The following NPFFR2 variants were observed in gnomAD, a reference collection of about 807,000 sequenced individuals.
NPFFR2 encodes the protein neuropeptide FF receptor 2.
A neutral mutation model predicts 13.1 loss-of-function variants in NPFFR2; 15 were observed. That is an observed-to-expected ratio of 1.15 (90% CI 0.77 to 1.76). NPFFR2 has a LOEUF of 1.76. Ranked by LOEUF, NPFFR2 falls within the 40% of genes most tolerant of loss-of-function variation. The probability of loss-of-function intolerance (pLI) is 0.00; values close to 1 mark genes in which losing one functional copy is unlikely to be tolerated. For missense variants in NPFFR2, 572 were observed against 503.5 expected, an observed-to-expected ratio of 1.14 and a Z score of -1.30; for synonymous variants, 190 against 175.7, an observed-to-expected ratio of 1.08 and a Z score of -0.65.
At chr4:72,128,542 G>T (rs1722134954) in intron 1 of NPFFR2, 43 bp from the exon 2 acceptor site, 2 of 1,233,892 alleles carry the variant, frequency 1.6e-6, no homozygotes, top group African/African-American at 1.5e-5. Flanking sequence ...ATGCTTTACT[G>T]GTTCCTAATT....
Position 72,109,065 on chromosome 4 carries a change from A to T in NPFFR2, c.-7-19520A>T, listed in dbSNP as rs115201846. On this transcript the variant is annotated intron_variant, in intron 1 of 3. Coordinates refer to ENST00000308744, the MANE Select transcript of NPFFR2 (RefSeq NM_004885.3). Reference sequence around the variant, plus strand: ...TGATGTAGTGTTTGACACACCATACATTAGTAAAACTTACAGTATCAATCA... The same window carrying T: ...TGATGTAGTGTTTGACACACCATACTTTAGTAAAACTTACAGTATCAATCA... 4.0e-3 allele frequency among the ~76,000 whole-genome samples: 613 copies of T among 152,178 alleles called. 4 individuals are homozygous for T. Among genetic ancestry groups the T allele is most frequent in the Middle Eastern group, 0.02 (6 of 294 alleles).
chr4:72,092,503 A>T (rs778570025), intron 1 of NPFFR2, among the ~76,000 whole-genome samples: 2 of 152,054 alleles, frequency 1.3e-5, no homozygotes, highest in Non-Finnish European at 2.9e-5. Context: ...TAATTGTTTT[A>T]TAAATTTGGG....
intron 1 of NPFFR2, among the ~76,000 whole-genome samples, chr4:72,069,251 T>G (rs11733448): frequency 0.9 from 136,843 of 152,078 alleles, 62,520 homozygotes; most frequent in Non-Finnish European, 0.98. Context: ...GAACACTGGA[T>G]TATGACCTAT....
intron 1 of NPFFR2, among the ~76,000 whole-genome samples, chr4:72,042,526 C>A (rs1719250858): frequency 6.6e-6 from 1 of 152,156 alleles, no homozygotes; most frequent in South Asian, 2.1e-4. Context: ...TTGGAACTTC[C>A]TAGAGACTTG....
At chr4:72,131,452 G>A (rs1232106979) in intron 2 of NPFFR2, among the ~76,000 whole-genome samples, 1 of 117,578 alleles carries the variant, frequency 8.5e-6, no homozygotes. Context: ...GTTGTGGGGT[G>A]GGGGGAGGGG....
At chr4:72,055,171 C>T (rs975722653) in intron 1 of NPFFR2, among the ~76,000 whole-genome samples, 2 of 151,958 alleles carry the variant, frequency 1.3e-5, no homozygotes, top group African/African-American at 4.8e-5. Flanking sequence ...TTGTGCTTCA[C>T]AGTATTGTGT....
intron 1 of NPFFR2, among the ~76,000 whole-genome samples, chr4:72,077,732 T>C (rs1720488751): frequency 6.6e-6 from 1 of 152,136 alleles, no homozygotes; most frequent in African/African-American, 2.4e-5. Context: ...GTCCCGATTT[T>C]TAAGGCATAC....
chr4:72,116,712 G>A (rs749268816), intron 1 of NPFFR2, among the ~76,000 whole-genome samples: 5 of 152,110 alleles, frequency 3.3e-5, no homozygotes, highest in Non-Finnish European at 7.4e-5. Context: ...TTTAATTAAT[G>A]GGCTTATTTC....
intron 1 of NPFFR2, among the ~76,000 whole-genome samples, chr4:72,034,787 A>G (rs912649853): frequency 6.6e-6 from 1 of 152,218 alleles, no homozygotes; most frequent in Non-Finnish European, 1.5e-5. Context: ...TTAAGGGTCC[A>G]GGGAGACCTT....
Position 72,046,289 on chromosome 4 carries a change from C to T in NPFFR2, c.-8+14089C>T, listed in dbSNP as rs573937351. On this transcript the variant is annotated intron_variant, in intron 1 of 3. Coordinates refer to ENST00000308744, the MANE Select transcript of NPFFR2 (RefSeq NM_004885.3). ...ATTGCCAATATAATATTATTGCAAACTGGGGACTTTAACAGATGATTAGGT... is the reference window on the plus strand; with the variant it reads ...ATTGCCAATATAATATTATTGCAAATTGGGGACTTTAACAGATGATTAGGT... Among the ~76,000 whole-genome samples, 6 of 152,246 alleles carry T rather than the reference C, an allele frequency of 3.9e-5. No homozygotes were observed. The South Asian group carries it at 1.2e-3, about 32-fold the overall frequency.
At chr4:72,122,695 T>G (rs1721922682) in intron 1 of NPFFR2, among the ~76,000 whole-genome samples, 1 of 152,210 alleles carries the variant, frequency 6.6e-6, no homozygotes. Context: ...GTAAGTTCTT[T>G]GAAACCAATG....
At chr4:72,137,192 A>C (rs900640380) in intron 2 of NPFFR2, among the ~76,000 whole-genome samples, 1 of 152,164 alleles carries the variant, frequency 6.6e-6, no homozygotes, top group African/African-American at 2.4e-5. Context: ...GGTTATTTAA[A>C]AATACTTTAT....
chr4:72,124,712 G>T (rs1479747284), intron 1 of NPFFR2, among the ~76,000 whole-genome samples: 1 of 152,122 alleles, frequency 6.6e-6, no homozygotes, highest in Non-Finnish European at 1.5e-5. Context: ...GGGAAAACTG[G>T]CTAGCCATAT....
At chr4:72,114,947 ACAGT>A in intron 1 of NPFFR2, among the ~76,000 whole-genome samples, 1 of 152,180 alleles carries the variant, frequency 6.6e-6, no homozygotes, top group Non-Finnish European at 1.5e-5. Context: ...AAAAATGGGA[ACAGT>A]GATAATCATA....
At chr4:72,115,504 T>C (rs1039306839) in intron 1 of NPFFR2, among the ~76,000 whole-genome samples, 2 of 152,164 alleles carry the variant, frequency 1.3e-5, no homozygotes, top group African/African-American at 4.8e-5. Flanking sequence ...AGTCTGAGCA[T>C]GTGTGTCCTT....
chr4:72,061,897 C>T (rs1223969400), intron 1 of NPFFR2, among the ~76,000 whole-genome samples: 7 of 152,012 alleles, frequency 4.6e-5, no homozygotes, highest in Non-Finnish European at 1.0e-4. Flanking sequence ...ACATGTATAC[C>T]TATGTAACAA....
chr4:72,132,902 G>T (rs1227329997), intron 2 of NPFFR2, among the ~76,000 whole-genome samples: 2 of 152,096 alleles, frequency 1.3e-5, no homozygotes, highest in Non-Finnish European at 2.9e-5. Context: ...TTAGACCTTA[G>T]TCAAATGCAA....
At chr4:72,136,314 T>G (rs572677092) in intron 2 of NPFFR2, among the ~76,000 whole-genome samples, 1 of 152,102 alleles carries the variant, frequency 6.6e-6, no homozygotes, top group South Asian at 2.1e-4. Context: ...GCAGAGGGGT[T>G]AAGGCTACAG....
chr4:72,127,144 T>C (rs1457501344), intron 1 of NPFFR2, among the ~76,000 whole-genome samples: 3 of 149,744 alleles, frequency 2.0e-5, no homozygotes, highest in Admixed American at 6.6e-5. Context: ...CTACTAAAAA[T>C]ACAAAAAAAA....
Sources: gnomAD v4.1 joint callset for allele counts (sites outside exome capture counted in the v4.1 genomes callset) on GRCh38, gnomAD v4.1.1 for gene constraint, MANE v1.5 for transcripts, NCBI Gene and HGNC (gene_info 2026-07-23, HGNC 2026-07-21) for gene names.